CACNA1C: variants seen among roughly 807,000 people sequenced by gnomAD.
CACNA1C encodes calcium voltage-gated channel subunit alpha1 C, also known as voltage-dependent L-type calcium channel subunit alpha-1C.
In CACNA1C, 30 loss-of-function variants were observed where a neutral mutation model predicts 229.0. The ratio of observed to expected loss-of-function variants is 0.13; its 90% CI spans 0.10 to 0.18. The LOEUF is 0.18. Ranked by LOEUF, CACNA1C falls within the 10% of genes least tolerant of loss-of-function variation. The probability of loss-of-function intolerance (pLI) is 1.00; values close to 1 mark genes in which losing one functional copy is unlikely to be tolerated. For synonymous variants in CACNA1C, 1,114 were observed against 1,132.5 expected (o/e 0.98, Z 0.33); for missense variants, 1,658 against 2,845.0 (o/e 0.58, Z 9.49).
intron 3 of CACNA1C, among the ~76,000 whole-genome samples, chr12:2,411,416 G>A (rs1329980085): frequency 3.9e-5 from 6 of 152,080 alleles, no homozygotes; most frequent in South Asian, 4.1e-4. Context: ...GGAATGTTAC[G>A]GTTCTATTTT....
rs201292032 is a variant in CACNA1C, at chr12:2,152,027, G to A, written c.477+31597G>A. Among the ~76,000 whole-genome samples, 2 of 152,326 alleles carry A rather than the reference G, an allele frequency of 1.3e-5. No homozygotes were observed. Among genetic ancestry groups the A allele is most frequent in the East Asian group, 3.9e-4 (2 of 5,172 alleles). Reference sequence around the variant, plus strand: ...TAAACCCTGGCGTTTTTAGTGCCTTGACTAGTGTGAGAAACTTGAAACTCA... The same window carrying A: ...TAAACCCTGGCGTTTTTAGTGCCTTAACTAGTGTGAGAAACTTGAAACTCA... On this transcript the variant is annotated intron_variant, in intron 3 of 46. Transcript: ENST00000399655. This position sits in a 1 kb window ranked among gnomAD's most constrained non-coding sequence, Gnocchi z 4.2.
At chr12:2,003,686 T>C (rs1474281131) in intron 1 of CACNA1C, among the ~76,000 whole-genome samples, 2 of 152,208 alleles carry the variant, frequency 1.3e-5, no homozygotes, top group Non-Finnish European at 1.5e-5. Context: ...TGCTGCCGTG[T>C]AATAATCTTC....
At chr12:2,141,973 C>G (rs902840578) in intron 3 of CACNA1C, among the ~76,000 whole-genome samples, 1 of 151,180 alleles carries the variant, frequency 6.6e-6, no homozygotes, top group Non-Finnish European at 1.5e-5. Context: ...GAAGGGTATC[C>G]TCTCCTTTCC....
At chr12:2,505,837 C>T (rs2099770438) in intron 8 of CACNA1C, among the ~76,000 whole-genome samples, 1 of 152,182 alleles carries the variant, frequency 6.6e-6, no homozygotes, top group Non-Finnish European at 1.5e-5. Context: ...CACTCTGCTG[C>T]CTTTGCCACT....
At position 2,683,053 on chromosome 12, in the gene CACNA1C, T is replaced by C. The variant is rs2097257935; in HGVS notation, c.5573+375T>C. ...GTATGCACATACATATATAGATAAT[T>C]AAACAAGTGTTTCAAGACACTGCTT... On this transcript the variant is annotated intron_variant, in intron 43 of 46. Coordinates refer to ENST00000399655, the MANE Select transcript of CACNA1C (RefSeq NM_000719.7). Among the ~76,000 whole-genome samples the C allele has an allele frequency of 2.0e-5, 3 of 152,136 alleles. No individual in the cohort carries two copies. In the South Asian group the frequency reaches 6.2e-4, roughly 31 times the overall value.
chr12:2,386,368 C>T (rs999418485), intron 3 of CACNA1C, among the ~76,000 whole-genome samples: 28 of 152,162 alleles, frequency 1.8e-4, no homozygotes, highest in Admixed American at 3.3e-4. Flanking sequence ...CTCTTTCTGC[C>T]TCTTGAGCAA....
intron 3 of CACNA1C, among the ~76,000 whole-genome samples, chr12:2,314,428 G>A (rs959795585): frequency 4.6e-5 from 7 of 152,116 alleles, no homozygotes; most frequent in African/African-American, 9.7e-5. Context: ...TTCTCACCTC[G>A]TGCACACGGC....
chr12:2,409,713 C>G (rs1188914602), intron 3 of CACNA1C, among the ~76,000 whole-genome samples: 3 of 152,214 alleles, frequency 2.0e-5, no homozygotes, highest in Non-Finnish European at 4.4e-5. Flanking sequence ...CCCCCAAACC[C>G]CTTATAGTCC....
intron 1 of CACNA1C, among the ~76,000 whole-genome samples, chr12:2,010,089 A>G (rs540414308): frequency 7.9e-4 from 120 of 152,332 alleles, no homozygotes; most frequent in South Asian, 1.5e-3. Flanking sequence ...ATAGAAGCCC[A>G]GAAGCGATAC....
At chr12:2,111,208 G>A (rs566030413) in intron 1 of CACNA1C, among the ~76,000 whole-genome samples, 1 of 152,356 alleles carries the variant, frequency 6.6e-6, no homozygotes, top group African/African-American at 2.4e-5. Flanking sequence ...GCTCCAGAAA[G>A]GTCCTTGCGC....
chr12:2,528,073 A>G (rs746243200), intron 9 of CACNA1C, among the ~76,000 whole-genome samples: 13 of 152,172 alleles, frequency 8.5e-5, no homozygotes, highest in Admixed American at 4.6e-4. Flanking sequence ...GAATACAGCA[A>G]TCTGGGATGA....
intron 34 of CACNA1C, 36 bp downstream of exon 34, chr12:2,655,274 C>CACAGATACACACACATGCACAGAT (rs754616987): frequency 6.2e-6 from 8 of 1,282,660 alleles, no homozygotes; most frequent in African/African-American, 4.4e-5. Flanking sequence ...CAGATACACA[C>CACAGATACACACACATGCACAGAT]ACACCTGCAT....
At chr12:2,641,844 C>A in intron 30 of CACNA1C, 1 of 699,788 alleles carries the variant, frequency 1.4e-6, no homozygotes, top group Non-Finnish European at 2.6e-6. Flanking sequence ...CTGTTTTCTA[C>A]TCTGCTTAAG....
In CACNA1C at chr12:2,313,704, G is replaced by A. The variant is rs543137572; in HGVS notation, c.478-135272G>A. ...CATGCTGGTTCCCTCCCTGCCTTAG[G>A]GAAGGAGTCGGTCAGGTTGGAGCTA... On this transcript the variant is annotated intron_variant, in intron 3 of 46. Transcript: ENST00000399655. 7.0e-4 allele frequency among the ~76,000 whole-genome samples: 107 copies of A among 152,266 alleles called. 1 individual carries two copies. The highest frequency in any genetic ancestry group is 2.3e-3 in the African/African-American group (97 of 41,542).
intron 29 of CACNA1C, among the ~76,000 whole-genome samples, chr12:2,620,885 A>G (rs2082879531): frequency 6.6e-6 from 1 of 152,230 alleles, no homozygotes; most frequent in Non-Finnish European, 1.5e-5. Flanking sequence ...GCATGCATGA[A>G]TGGATGAATG....
chr12:2,368,968 C>A (rs1183355158), intron 3 of CACNA1C, among the ~76,000 whole-genome samples: 2 of 152,124 alleles, frequency 1.3e-5, no homozygotes, highest in African/African-American at 4.8e-5. Flanking sequence ...CTGTGTGAAA[C>A]AAACAACCAG....
intron 29 of CACNA1C, among the ~76,000 whole-genome samples, chr12:2,629,392 C>G (rs1286701789): frequency 2.6e-5 from 4 of 152,232 alleles, no homozygotes; most frequent in Non-Finnish European, 5.9e-5. Flanking sequence ...GGAAGTACCA[C>G]TGGACCATGG....
rs1291474266 is a variant in CACNA1C, at chr12:2,207,578, G to GGT, written c.477+87150_477+87151dup. Among the ~76,000 whole-genome samples the GGT allele has an allele frequency of 2.0e-5, 3 of 152,272 alleles. No individual in the cohort carries two copies. The East Asian group carries it at 5.8e-4, about 29-fold the overall frequency. On this transcript the variant is annotated intron_variant, in intron 3 of 46. Coordinates refer to ENST00000399655, the MANE Select transcript of CACNA1C (RefSeq NM_000719.7). ...TAATCCCAGTATTTTGGGAGGCTGA[G>GGT]GTGGGAGGCTCACTTGAGCTCAGGA... is the stretch of plus-strand genomic sequence containing the variant.
intron 3 of CACNA1C, among the ~76,000 whole-genome samples, chr12:2,429,274 C>T (rs1351645897): frequency 2.6e-5 from 4 of 152,044 alleles, no homozygotes; most frequent in African/African-American, 9.7e-5. Context: ...CAAATAAGGT[C>T]ACATCCTGAG....
Sources: allele counts gnomAD v4.1 joint callset (sites outside exome capture counted in the v4.1 genomes callset), GRCh38; gene constraint gnomAD v4.1.1; non-coding constraint Gnocchi (gnomAD v3.1); transcripts MANE v1.5; gene names NCBI Gene and HGNC (gene_info 2026-07-23, HGNC 2026-07-21).